Variants in RBM10 observed in about 807,000 individuals in gnomAD.
RBM10 encodes the protein RNA-binding protein 10.
In RBM10, 1 loss-of-function variant was observed where a neutral mutation model predicts 84.9. The observed-to-expected ratio is 0.01, with a 90% CI of 0.00 to 0.06. The LOEUF (loss-of-function observed/expected upper bound fraction) is 0.06. RBM10 is among the 10% of genes least tolerant of loss of function. The pLI is 1.00. For missense variants in RBM10, 438 were observed against 839.0 expected, an observed-to-expected ratio of 0.52 and a Z score of 5.90; for synonymous variants, 326 against 344.5, an observed-to-expected ratio of 0.95 and a Z score of 0.60.
At chrX:47,146,001 G>A (rs1217489271) in intron 1 of RBM10, among the ~76,000 whole-genome samples, 1 of 109,030 alleles carries the variant, frequency 9.2e-6, no homozygotes, top group African/African-American at 3.4e-5. Flanking sequence ...CTTGGGGGAC[G>A]ACTGTCTTTT....
chrX:47,151,106 G>A (rs1556763541), intron 2 of RBM10, among the ~76,000 whole-genome samples: 1 of 107,486 alleles, frequency 9.3e-6, no homozygotes, highest in Admixed American at 1.0e-4. Flanking sequence ...CTGTCACCCA[G>A]GCTGGAGTGC....
In RBM10 at chrX:47,181,352, C is replaced by T. The variant is rs1935517693; in HGVS notation, c.1386C>T (p.Gly462=). The T allele has an allele frequency of 8.3e-7, 1 of 1,203,607 alleles. No individual in the cohort carries two copies. The highest frequency in any genetic ancestry group is 2.3e-4 in the Middle Eastern group (1 of 4,345). Residue 462 remains glycine, a synonymous_variant, in exon 13 of 24, where the codon GGC becomes GGT. Transcript: ENST00000377604. ...TCTATGCCCATGGCTACCTCAAGGG[C>T]ACCAAGGGCCCTGGCATCACTGGAA... The part of the protein sequence containing the change: ...SSLYAHGYLK[G]TKGPGITGTK...
chrX:47,159,408 CAA>C (rs782318170), intron 2 of RBM10, among the ~76,000 whole-genome samples: 52 of 37,987 alleles, frequency 1.4e-3, no homozygotes, highest in African/African-American at 3.9e-3. Context: ...AACTCCGTCT[CAA>C]AAAAAAAAAA....
At position 47,181,827 on chromosome X, in the gene RBM10, G is replaced by C. The variant is rs2147192966; in HGVS notation, c.1654G>C (p.Ala552Pro). 1 of 1,211,604 alleles carries C rather than the reference G, an allele frequency of 8.3e-7. No homozygotes were observed. The highest frequency in any genetic ancestry group is 2.2e-5 in the Admixed American group (1 of 46,012). Residue 552 changes from alanine (A) to proline (P), a missense_variant, in exon 15 of 24, where the codon GCT becomes CCT. Transcript: ENST00000377604. ...PTHPSSALPP[A>P]TSPTAQESYS... ...CCATCCTAGTTCTGCTCTCCCACCG[G>C]CTACCAGCCCCACTGCCCAGGAATC...
At chrX:47,151,511 G>C (rs1393151889) in intron 2 of RBM10, among the ~76,000 whole-genome samples, 1 of 111,603 alleles carries the variant, frequency 9.0e-6, no homozygotes, top group Admixed American at 9.6e-5. Flanking sequence ...TTCATTTATA[G>C]TATTGTCCAG....
rs1935505878 is a variant in RBM10, at chrX:47,181,248, T to C, written c.1282T>C (p.Ser428Pro). ...AGGTGGGGAGGGTACCTGGGCCACCTCCGAGGAGCCGCCGGTCGACTACAG... is the reference window on the plus strand; with the variant it reads ...AGGTGGGGAGGGTACCTGGGCCACCCCCGAGGAGCCGCCGGTCGACTACAG... ...SQGGEGTWATSEEPPVDYSYY... is the reference protein window; with the variant it reads ...SQGGEGTWATPEEPPVDYSYY... Residue 428 changes from serine to proline, a missense_variant, in exon 13 of 24, where the codon TCC becomes CCC. By Grantham distance (74) the Ser-to-Pro change is moderately conservative (BLOSUM62 -1). Transcript: ENST00000377604. The C allele has an allele frequency of 8.6e-7, 1 of 1,160,059 alleles. No homozygotes were observed. Among genetic ancestry groups the C allele is most frequent in the East Asian group, 3.2e-5 (1 of 31,036 alleles).
At chrX:47,168,326 A>G (rs1556770022) in intron 2 of RBM10, among the ~76,000 whole-genome samples, 1 of 111,379 alleles carries the variant, frequency 9.0e-6, no homozygotes, top group Non-Finnish European at 1.9e-5. Context: ...AGGTGGGTGG[A>G]TCACTTAAGC....
chrX:47,145,904 T>C (rs782652371), intron 1 of RBM10, among the ~76,000 whole-genome samples: 1 of 83,426 alleles, frequency 1.2e-5, no homozygotes, highest in Non-Finnish European at 2.3e-5. Context: ...TCTCTATTCC[T>C]GGGGGATCGG....
chrX:47,155,682 G>A (rs1416634600), intron 2 of RBM10, among the ~76,000 whole-genome samples: 7 of 94,092 alleles, frequency 7.4e-5, no homozygotes, highest in African/African-American at 2.4e-4. Flanking sequence ...GCAGTGAGCC[G>A]AGATCGCCAC....
At chrX:47,179,695 A>C in intron 9 of RBM10, 185 bp from the exon 10 acceptor site, 2 of 773,914 alleles carry the variant, frequency 2.6e-6, no homozygotes, top group East Asian at 3.5e-5. Flanking sequence ...TTCTCAGCAG[A>C]CAGGCAGCCA....
intron 9 of RBM10, 130 bp from the exon 10 acceptor site, chrX:47,179,750 A>G (rs1935390629): frequency 2.2e-6 from 2 of 908,938 alleles, no homozygotes; most frequent in African/African-American, 2.0e-5. Context: ...TGGAGGAAGC[A>G]GTGAGGGAAG....
intron 2 of RBM10, among the ~76,000 whole-genome samples, chrX:47,163,859 ATTTTTTTT>A (rs35919377): frequency 2.2e-4 from 9 of 40,104 alleles, no homozygotes; most frequent in African/African-American, 1.3e-3. Flanking sequence ...CGCCTGGCTA[ATTTTTTTT>A]TTTTTTTTTT....
intron 2 of RBM10, among the ~76,000 whole-genome samples, chrX:47,163,100 C>T (rs1933864705): frequency 9.3e-6 from 1 of 108,032 alleles, no homozygotes; most frequent in Non-Finnish European, 1.9e-5. Flanking sequence ...ATCATGAGAA[C>T]ACATCAAACA....
chrX:47,180,533 C>T (rs889780254), intron 12 of RBM10, 27 bp downstream of exon 12: 6 of 1,202,731 alleles, frequency 5.0e-6, no homozygotes, highest in South Asian at 3.6e-5. Context: ...TGCCTCCCAG[C>T]GTCCTGAGAC....
intron 1 of RBM10, among the ~76,000 whole-genome samples, chrX:47,145,917 G>A (rs1403251337): frequency 1.9e-5 from 2 of 103,046 alleles, no homozygotes; most frequent in Admixed American, 1.0e-4. Flanking sequence ...GGGATCGGAG[G>A]GGGGATGTGA....
chrX:47,185,225 T>G (rs1935816427), intron 18 of RBM10, 21 bp downstream of exon 18: 1 of 1,212,271 alleles, frequency 8.2e-7, no homozygotes, highest in Non-Finnish European at 1.1e-6. Context: ...GCCACCCCCC[T>G]GCACCCTGCC....
At position 47,180,315 on chromosome X, in the gene RBM10, G is replaced by T. The variant is rs2147178010; in HGVS notation, c.1160+6G>T. ...TTTGCCAAGGGTTCTAAGAGGTCAGGGCCCCACCTGTGTGCCTTCCCACCC... is the reference window on the plus strand; with the variant it reads ...TTTGCCAAGGGTTCTAAGAGGTCAGTGCCCCACCTGTGTGCCTTCCCACCC... On this transcript the variant is annotated splice_donor_region_variant and intron_variant, in intron 11 of 23. Coordinates refer to ENST00000377604, the MANE Select transcript of RBM10 (RefSeq NM_005676.5). The T allele has an allele frequency of 1.7e-6, 2 of 1,188,188 alleles. No homozygotes were observed. Among genetic ancestry groups the T allele is most frequent in the Non-Finnish European group, 2.3e-6 (2 of 882,326 alleles).
At chrX:47,162,982 T>C (rs1933853738) in intron 2 of RBM10, among the ~76,000 whole-genome samples, 1 of 109,499 alleles carries the variant, frequency 9.1e-6, no homozygotes, top group Non-Finnish European at 1.9e-5. Flanking sequence ...AGATAAGTCA[T>C]GTTGTTATCA....
intron 2 of RBM10, among the ~76,000 whole-genome samples, chrX:47,149,160 G>C (rs1162471169): frequency 2.7e-5 from 3 of 111,103 alleles, no homozygotes; most frequent in African/African-American, 6.5e-5. Flanking sequence ...CCTGAACTTT[G>C]TATTACTCAG....
Sources: allele counts gnomAD v4.1 joint callset (sites outside exome capture counted in the v4.1 genomes callset), GRCh38; gene constraint gnomAD v4.1.1; transcripts MANE v1.5; gene names NCBI Gene and HGNC (gene_info 2026-07-23, HGNC 2026-07-21).